Variants in ADCY8 observed in about 807,000 individuals in gnomAD.
ADCY8 encodes adenylate cyclase type 8.
ADCY8 carries 51 observed loss-of-function variants against 119.7 expected under a neutral mutation model. That is an observed-to-expected ratio of 0.43 (90% CI 0.34 to 0.54). The LOEUF is 0.54. Ranked by LOEUF, ADCY8 falls within the 20% of genes least tolerant of loss-of-function variation. The pLI is 0.03. For missense variants in ADCY8, 1,383 were observed against 1,598.8 expected (o/e 0.87, Z 2.30); for synonymous variants, 665 against 651.0 (o/e 1.02, Z -0.33).
intron 1 of ADCY8, among the ~76,000 whole-genome samples, chr8:131,036,811 G>A (rs529251354): frequency 5.3e-5 from 8 of 152,192 alleles, no homozygotes; most frequent in African/African-American, 1.9e-4. Context: ...TAGCATATTT[G>A]GAGCCTAATG....
intron 14 of ADCY8, among the ~76,000 whole-genome samples, chr8:130,802,498 C>T (rs1203039812): frequency 6.6e-6 from 1 of 152,192 alleles, no homozygotes; most frequent in Admixed American, 6.5e-5. Context: ...ATTGACCATG[C>T]CTCTCCCTAT....
chr8:130,937,848 T>C (rs1160612527), intron 4 of ADCY8, among the ~76,000 whole-genome samples: 1 of 152,204 alleles, frequency 6.6e-6, no homozygotes, highest in Non-Finnish European at 1.5e-5. Flanking sequence ...GCTCCTATTA[T>C]GCACTATAAA....
intron 1 of ADCY8, among the ~76,000 whole-genome samples, chr8:131,004,059 G>A (rs548491853): frequency 1.3e-5 from 2 of 152,154 alleles, no homozygotes; most frequent in African/African-American, 2.4e-5. Context: ...AGAAAAAAAG[G>A]TTTCCTTTTG....
At chr8:130,874,887 C>T (rs573729239) in intron 8 of ADCY8, among the ~76,000 whole-genome samples, 1 of 152,192 alleles carries the variant, frequency 6.6e-6, no homozygotes, top group East Asian at 1.9e-4. Flanking sequence ...CATGGAGAAG[C>T]CAAGAGAGTG....
chr8:130,914,268 C>A (rs1040534856), intron 5 of ADCY8, among the ~76,000 whole-genome samples: 5 of 152,286 alleles, frequency 3.3e-5, no homozygotes, highest in Non-Finnish European at 7.4e-5. Context: ...CTATTGTGAG[C>A]CCCGAAGGAT....
At chr8:131,030,899 C>G (rs1300489577) in intron 1 of ADCY8, among the ~76,000 whole-genome samples, 1 of 152,196 alleles carries the variant, frequency 6.6e-6, no homozygotes. Context: ...GGGAGCTCCT[C>G]AAAGGGGCAC....
Position 131,022,661 on chromosome 8 carries a change from A to C in ADCY8, c.960+16713T>G, listed in dbSNP as rs535843875. Among the ~76,000 whole-genome samples, 5 of 152,332 alleles carry C rather than the reference A, an allele frequency of 3.3e-5. No individual in the cohort carries two copies. The East Asian group carries it at 9.6e-4, about 29-fold the overall frequency. ...AGGCAGCAAGTGCCGGCCAGGTAAAAGAATGAACCATTTCTCAAGTTTCTT... is the reference window on the plus strand; with the variant it reads ...AGGCAGCAAGTGCCGGCCAGGTAAACGAATGAACCATTTCTCAAGTTTCTT... On this transcript the variant is annotated intron_variant, in intron 1 of 17. Transcript: ENST00000286355.
At position 131,040,356 on chromosome 8, in the gene ADCY8, G is replaced by A. The variant is rs533962757; in HGVS notation, c.-23C>T. ...CATGGCTCTGGGCCGCAGGGAAGGA[G>A]GCCCAGAACCTTGGGGAGGCAGCCG... On this transcript the variant is annotated 5_prime_UTR_variant, in exon 1 of 18. Coordinates refer to ENST00000286355, the MANE Select transcript of ADCY8 (RefSeq NM_001115.3). 2.5e-5 allele frequency: 37 copies of A among 1,469,378 alleles called. No homozygotes were observed. The African/African-American group carries it at 4.6e-4, about 18-fold the overall frequency. The allele number at this position is 1,469,378 out of a possible 1,614,324, so 91.0% of individuals were successfully genotyped here.
At chr8:130,814,282 T>C (rs1816268262) in intron 13 of ADCY8, 55 bp from the exon 14 acceptor site, 4 of 1,584,544 alleles carry the variant, frequency 2.5e-6, no homozygotes, top group Non-Finnish European at 3.4e-6. Flanking sequence ...AGGTGTAGGC[T>C]TCAGGCACAG....
At chr8:130,840,099 A>G (rs1266194723) in intron 11 of ADCY8, among the ~76,000 whole-genome samples, 1 of 139,860 alleles carries the variant, frequency 7.2e-6, no homozygotes, top group African/African-American at 2.4e-5. Flanking sequence ...TCCACTTTGT[A>G]TTAATCTATT....
chr8:130,938,350 T>TTGGACTCCAGGCC (rs1820855794), intron 4 of ADCY8, among the ~76,000 whole-genome samples: 1 of 151,970 alleles, frequency 6.6e-6, no homozygotes, highest in African/African-American at 2.4e-5. Flanking sequence ...TGAGGAAGAG[T>TTGGACTCCAGGCC]TGGACTCCAG....
At chr8:131,019,825 C>CTCTGTCTG (rs1563770534) in intron 1 of ADCY8, among the ~76,000 whole-genome samples, 1 of 124,582 alleles carries the variant, frequency 8.0e-6, no homozygotes, top group Non-Finnish European at 1.6e-5. Context: ...CTCTCTCTCT[C>CTCTGTCTG]TCTCTCTCTC....
chr8:130,929,704 A>T (rs1414533217), intron 5 of ADCY8, among the ~76,000 whole-genome samples: 1 of 152,264 alleles, frequency 6.6e-6, no homozygotes, highest in Non-Finnish European at 1.5e-5. Flanking sequence ...TCCTATGTGG[A>T]TAATCTGTGT....
At chr8:131,033,406 C>G (rs1824053208) in intron 1 of ADCY8, among the ~76,000 whole-genome samples, 1 of 152,088 alleles carries the variant, frequency 6.6e-6, no homozygotes, top group Non-Finnish European at 1.5e-5. Flanking sequence ...CTTAAAATGT[C>G]ATCAATCATC....
rs183755236 is a variant in ADCY8 at position 130,839,369 on chromosome 8, T to C, written c.2503-2920A>G. Among the ~76,000 whole-genome samples the C allele has an allele frequency of 5.9e-4, 83 of 139,756 alleles. 3 individuals carry two copies. The highest frequency in any genetic ancestry group is 1.7e-3 in the African/African-American group (69 of 40,964). The allele number at this position is 139,756 out of a possible 152,430, so 91.7% of individuals were successfully genotyped here. ...CACTGCCTTGCATGGTTTAGGTAACTTTTTACTTTAAAGTAGAAAGGTGAA... is the reference window on the plus strand; with the variant it reads ...CACTGCCTTGCATGGTTTAGGTAACCTTTTACTTTAAAGTAGAAAGGTGAA... On this transcript the variant is annotated intron_variant, in intron 11 of 17. Transcript: ENST00000286355.
intron 1 of ADCY8, among the ~76,000 whole-genome samples, chr8:131,020,072 G>A (rs892725342): frequency 4.6e-5 from 7 of 152,020 alleles, no homozygotes; most frequent in Non-Finnish European, 8.8e-5. Context: ...TCAAAGAACT[G>A]AATGAAAAAT....
At chr8:130,805,888 GT>G (rs1815934190) in intron 14 of ADCY8, among the ~76,000 whole-genome samples, 1 of 152,172 alleles carries the variant, frequency 6.6e-6, no homozygotes, top group Non-Finnish European at 1.5e-5. Context: ...GCACAAACAG[GT>G]CCATGAGGAT....
At chr8:131,011,454 G>C (rs1823301016) in intron 1 of ADCY8, among the ~76,000 whole-genome samples, 1 of 152,106 alleles carries the variant, frequency 6.6e-6, no homozygotes, top group African/African-American at 2.4e-5. Flanking sequence ...TCTTTCCCCT[G>C]CTGGATGGAC....
chr8:131,005,659 A>T (rs978839552), intron 1 of ADCY8, among the ~76,000 whole-genome samples: 6 of 152,206 alleles, frequency 3.9e-5, no homozygotes, highest in African/African-American at 1.4e-4. Flanking sequence ...GAAGACAGAA[A>T]AATCAGGAAC....
Sources: allele counts gnomAD v4.1 joint callset (sites outside exome capture counted in the v4.1 genomes callset), GRCh38; gene constraint gnomAD v4.1.1; transcripts MANE v1.5; gene names NCBI Gene and HGNC (gene_info 2026-07-23, HGNC 2026-07-21).